Variants in BMPR2 observed in about 807,000 individuals in gnomAD.
BMPR2 encodes bone morphogenetic protein receptor type-2.
BMPR2 carries 29 observed loss-of-function variants against 100.8 expected under a neutral mutation model. The observed-to-expected ratio is 0.29, with a 90% confidence interval of 0.21 to 0.39. The LOEUF is 0.39. Ranked by LOEUF, BMPR2 falls within the 10% of genes least tolerant of loss-of-function variation. The pLI, the probability that BMPR2 is intolerant of heterozygous loss-of-function variation, is 1.00. For synonymous variants in BMPR2, 382 were observed against 442.3 expected (o/e 0.86, Z 1.71); for missense variants, 1,011 against 1,274.5 (o/e 0.79, Z 3.15).
chr2:202,449,562 G>A (rs921588131), intron 1 of BMPR2, among the ~76,000 whole-genome samples: 1 of 152,100 alleles, frequency 6.6e-6, no homozygotes, highest in African/African-American at 2.4e-5. Flanking sequence ...TTGGATACCT[G>A]CTAGGCTAAG....
chr2:202,523,432 GT>G (rs1172350175), intron 7 of BMPR2, among the ~76,000 whole-genome samples: 5 of 152,318 alleles, frequency 3.3e-5, no homozygotes, highest in African/African-American at 1.2e-4. Context: ...CAGGTCTTCT[GT>G]TTTTCACAGC....
intron 2 of BMPR2, among the ~76,000 whole-genome samples, chr2:202,467,288 A>G (rs1692343537): frequency 1.3e-5 from 2 of 152,164 alleles, no homozygotes; most frequent in Admixed American, 1.3e-4. Context: ...TAATTCTTAG[A>G]TTAATCATGC....
intron 3 of BMPR2, among the ~76,000 whole-genome samples, chr2:202,510,925 T>C (rs1389081494): frequency 6.6e-6 from 1 of 151,832 alleles, no homozygotes; most frequent in Admixed American, 6.6e-5. Flanking sequence ...GTGATCCGTC[T>C]GCCTCAGCCT....
chr2:202,467,444 C>T (rs1030692264), intron 2 of BMPR2, 75 bp from the exon 3 acceptor site: 9 of 1,266,464 alleles, frequency 7.1e-6, no homozygotes, highest in Non-Finnish European at 1.0e-5. Flanking sequence ...ATTGAAATTA[C>T]TGCTTAGTTT....
rs201770589 is a variant in BMPR2 at position 202,519,051 on chromosome 2, A to G, written c.851A>G (p.Asn284Ser). ...TTGCTTGTGATGGAGTACTATCCCA[A>G]TGTAAGTTCTTCATAGAAAATAAAC... ...EYLLVMEYYPNGSLCKYLSLH... is the reference protein window; with the variant it reads ...EYLLVMEYYPSGSLCKYLSLH... The change falls in exon 6 of 13, where the codon AAT becomes AGT. Residue 284 changes from asparagine to serine, a missense_variant and splice_region_variant. This residue lies in a region of BMPR2 where 355 missense variants were observed against 455.3 expected (regional missense o/e 0.78). Transcript: ENST00000374580. 60 of 1,613,232 alleles carry G rather than the reference A, an allele frequency of 3.7e-5. 1 individual carries two copies. In the South Asian group the frequency reaches 6.0e-4, roughly 16 times the overall value.
intron 1 of BMPR2, among the ~76,000 whole-genome samples, chr2:202,394,650 A>C (rs1690623042): frequency 6.6e-6 from 1 of 152,120 alleles, no homozygotes; most frequent in Admixed American, 6.5e-5. Flanking sequence ...GATATGTAAA[A>C]ATAATTATTG....
chr2:202,442,668 T>C (rs1191017688), intron 1 of BMPR2, among the ~76,000 whole-genome samples: 1 of 150,604 alleles, frequency 6.6e-6, no homozygotes, highest in African/African-American at 2.5e-5. Flanking sequence ...TTCACTGCTT[T>C]AGATGCTTTA....
chr2:202,550,374 CA>C (rs71035016), intron 10 of BMPR2, among the ~76,000 whole-genome samples: 16,966 of 94,260 alleles, frequency 0.18, 975 homozygotes, highest in South Asian at 0.26. Context: ...CTCCTATCTC[CA>C]AAAAAAAAAA....
At chr2:202,405,934 T>G (rs1690882192) in intron 1 of BMPR2, among the ~76,000 whole-genome samples, 1 of 152,216 alleles carries the variant, frequency 6.6e-6, no homozygotes, top group South Asian at 2.1e-4. Context: ...ACCTCATTTG[T>G]GGAAACTGAA....
chr2:202,498,625 C>T (rs1693095946), intron 3 of BMPR2, among the ~76,000 whole-genome samples: 1 of 152,126 alleles, frequency 6.6e-6, no homozygotes. Context: ...GCGGTTTTGT[C>T]TTTCAGATGG....
chr2:202,419,988 T>C (rs1691226116), intron 1 of BMPR2, among the ~76,000 whole-genome samples: 1 of 152,088 alleles, frequency 6.6e-6, no homozygotes, highest in Non-Finnish European at 1.5e-5. Context: ...GTATCTATTT[T>C]ACATATTTTA....
At chr2:202,508,586 G>A (rs1271796098) in intron 3 of BMPR2, among the ~76,000 whole-genome samples, 2 of 152,204 alleles carry the variant, frequency 1.3e-5, no homozygotes, top group Non-Finnish European at 2.9e-5. Context: ...CCACTCAGCA[G>A]CAACCCTTCA....
At position 202,412,966 on chromosome 2, in the gene BMPR2, G is replaced by T. The variant is rs550594022; in HGVS notation, c.76+35416G>T. 2.0e-5 allele frequency among the ~76,000 whole-genome samples: 3 copies of T among 152,050 alleles called. No individual in the cohort carries two copies. In the East Asian group the frequency reaches 5.8e-4, roughly 29 times the overall value. The stretch of plus-strand genomic sequence containing the variant: ...CATGCTGTTGATTCTCATTGTTCTT[G>T]GATTCCATATTTGTAAATGTTCCTA... On this transcript the variant is annotated intron_variant, in intron 1 of 12. Coordinates refer to ENST00000374580, the MANE Select transcript of BMPR2 (RefSeq NM_001204.7).
chr2:202,384,496 G>A (rs1407090277), intron 1 of BMPR2, among the ~76,000 whole-genome samples: 1 of 147,854 alleles, frequency 6.8e-6, no homozygotes, highest in African/African-American at 2.6e-5. Flanking sequence ...GCAAATGGAG[G>A]TTGAGAAATT....
intron 1 of BMPR2, among the ~76,000 whole-genome samples, chr2:202,415,928 T>A (rs1033350439): frequency 6.6e-6 from 1 of 152,236 alleles, no homozygotes; most frequent in East Asian, 1.9e-4. Flanking sequence ...AAAATCTTAT[T>A]TAAGAAATAA....
intron 1 of BMPR2, among the ~76,000 whole-genome samples, chr2:202,464,184 A>AT (rs890258079): frequency 2.6e-4 from 39 of 148,036 alleles, no homozygotes; most frequent in Admixed American, 8.1e-4. Flanking sequence ...AAAAAAAAGA[A>AT]TTTTTTTTTA....
In BMPR2 at chr2:202,499,946, C is replaced by T. The variant is rs1687343736; in HGVS notation, c.419-13773C>T. ...GTTATCAGTATGGTTTACTAGGACA[C>T]TTTAAAAAAGATTGTCCAATGAGAA... On this transcript the variant is annotated intron_variant, in intron 3 of 12. Coordinates refer to ENST00000374580, the MANE Select transcript of BMPR2 (RefSeq NM_001204.7). 2.6e-5 allele frequency among the ~76,000 whole-genome samples: 4 copies of T among 152,162 alleles called. No individual in the cohort carries two copies. In the South Asian group the frequency reaches 8.3e-4, roughly 32 times the overall value.
intron 1 of BMPR2, among the ~76,000 whole-genome samples, chr2:202,405,020 G>A (rs1168842996): frequency 2.6e-5 from 4 of 151,872 alleles, no homozygotes; most frequent in African/African-American, 9.7e-5. Context: ...ACAGGGTCTC[G>A]CTATGTTGCC....
chr2:202,417,497 T>C (rs192926430), intron 1 of BMPR2, among the ~76,000 whole-genome samples: 1 of 151,814 alleles, frequency 6.6e-6, no homozygotes, highest in Admixed American at 6.6e-5. Flanking sequence ...GAGACAGGGT[T>C]TCTCCATGTT....
Sources: allele counts gnomAD v4.1 joint callset (sites outside exome capture counted in the v4.1 genomes callset), GRCh38; gene constraint gnomAD v4.1.1; regional missense constraint gnomAD v4.1.1; transcripts MANE v1.5; gene names NCBI Gene and HGNC (gene_info 2026-07-23, HGNC 2026-07-21).